The following CCSER1 variants were observed in gnomAD, a reference collection of about 807,000 sequenced individuals.
CCSER1 encodes the protein coiled-coil serine rich protein 1.
CCSER1 carries 41 observed loss-of-function variants against 82.0 expected under a neutral mutation model. The ratio of observed to expected loss-of-function variants is 0.50; its 90% CI spans 0.39 to 0.65. The LOEUF is 0.65. Among genes scored for constraint, CCSER1 ranks in the 30% least tolerant of loss-of-function variants. CCSER1 has a pLI of 0.00. For synonymous variants in CCSER1, 414 were observed against 383.9 expected, an observed-to-expected ratio of 1.08 and a Z score of -0.92; for missense variants, 1,119 against 1,064.2, an observed-to-expected ratio of 1.05 and a Z score of -0.72.
intron 1 of CCSER1, among the ~76,000 whole-genome samples, chr4:90,275,351 A>G (rs1354040648): frequency 2.0e-5 from 3 of 152,134 alleles, no homozygotes; most frequent in Non-Finnish European, 4.4e-5. Flanking sequence ...AGTTTCATAT[A>G]CATAAGGATT....
chr4:90,932,191 A>G (rs1169102301), intron 9 of CCSER1, among the ~76,000 whole-genome samples: 1 of 152,168 alleles, frequency 6.6e-6, no homozygotes, highest in African/African-American at 2.4e-5. Flanking sequence ...AAGTTGATCT[A>G]TTATAGAGAA....
intron 7 of CCSER1, among the ~76,000 whole-genome samples, chr4:90,729,833 A>G (rs1744380879): frequency 6.6e-6 from 1 of 152,098 alleles, no homozygotes; most frequent in Non-Finnish European, 1.5e-5. Context: ...CGGAGATAGC[A>G]CCACTGCACT....
chr4:90,230,009 C>A (rs1254734522), intron 1 of CCSER1, among the ~76,000 whole-genome samples: 3 of 152,260 alleles, frequency 2.0e-5, no homozygotes, highest in Middle Eastern at 3.4e-3. Flanking sequence ...TAGACTCCCA[C>A]ACAATAATAA....
chr4:91,081,011 T>C (rs1722655656), intron 9 of CCSER1, among the ~76,000 whole-genome samples: 1 of 152,252 alleles, frequency 6.6e-6, no homozygotes, highest in South Asian at 2.1e-4. Context: ...CCTTCTGAAA[T>C]TATTCCAATC....
chr4:90,756,170 G>A (rs1202272338), intron 7 of CCSER1, among the ~76,000 whole-genome samples: 1 of 152,192 alleles, frequency 6.6e-6, no homozygotes, highest in East Asian at 1.9e-4. Context: ...AGAGATTGCA[G>A]TGAGCTGAGA....
intron 1 of CCSER1, among the ~76,000 whole-genome samples, chr4:90,156,632 C>T (rs1399796032): frequency 2.0e-5 from 3 of 152,058 alleles, no homozygotes. Context: ...ATGTAATGGC[C>T]TTCTTTATCT....
intron 10 of CCSER1, among the ~76,000 whole-genome samples, chr4:91,188,007 C>T (rs1734708249): frequency 6.6e-6 from 1 of 151,762 alleles, no homozygotes; most frequent in African/African-American, 2.4e-5. Context: ...GCAGAATTAT[C>T]TTAGTATATT....
In CCSER1 at chr4:90,628,004, T is replaced by G. The variant is rs770705955; in HGVS notation, c.1725-21T>G. 7 of 1,534,026 alleles carry G rather than the reference T, an allele frequency of 4.6e-6. No individual in the cohort carries two copies. The East Asian group carries it at 1.6e-4, about 36-fold the overall frequency. On this transcript the variant is annotated intron_variant, in intron 5 of 10. Transcript: ENST00000509176. ...AAGCATGCTGCACTGTAATTTTTGT[T>G]CTTTTTTTTTTTCTTGTTAGGAATC... is the stretch of plus-strand genomic sequence containing the variant.
intron 10 of CCSER1, among the ~76,000 whole-genome samples, chr4:91,267,333 A>G (rs1741677228): frequency 6.6e-6 from 1 of 152,156 alleles, no homozygotes; most frequent in African/African-American, 2.4e-5. Context: ...TCTGAAAAGT[A>G]TATCATAATC....
chr4:91,060,140 A>G (rs1743833127), intron 9 of CCSER1, among the ~76,000 whole-genome samples: 1 of 152,046 alleles, frequency 6.6e-6, no homozygotes, highest in South Asian at 2.1e-4. Flanking sequence ...TTTATTCAGT[A>G]TCTTTAAAAT....
intron 3 of CCSER1, among the ~76,000 whole-genome samples, chr4:90,373,077 A>G (rs1009904014): frequency 6.6e-6 from 1 of 151,994 alleles, no homozygotes; most frequent in Non-Finnish European, 1.5e-5. Context: ...GAGTTGACTG[A>G]TTTTTAGGTA....
chr4:91,475,617 G>A (rs954751910), intron 10 of CCSER1, among the ~76,000 whole-genome samples: 1 of 151,782 alleles, frequency 6.6e-6, no homozygotes, highest in East Asian at 1.9e-4. Context: ...GATTAATAGA[G>A]GAGTCTACTA....
At chr4:90,338,133 T>G (rs374811359) in intron 3 of CCSER1, among the ~76,000 whole-genome samples, 2 of 152,200 alleles carry the variant, frequency 1.3e-5, no homozygotes, top group African/African-American at 4.8e-5. Context: ...CATTCACTGC[T>G]AGTTTTGGGA....
chr4:90,934,270 G>A (rs1273722634), intron 9 of CCSER1, among the ~76,000 whole-genome samples: 2 of 151,952 alleles, frequency 1.3e-5, no homozygotes, highest in Non-Finnish European at 2.9e-5. Context: ...TAATTGTGAC[G>A]TTATTTGTGT....
intron 4 of CCSER1, among the ~76,000 whole-genome samples, chr4:90,421,871 T>C (rs539615811): frequency 6.2e-4 from 94 of 152,196 alleles, no homozygotes; most frequent in African/African-American, 2.2e-3. Flanking sequence ...GTGTAAAATG[T>C]TTTGGAATTG....
intron 10 of CCSER1, among the ~76,000 whole-genome samples, chr4:91,519,370 A>G (rs75126161): frequency 0.02 from 3,108 of 152,296 alleles, 54 homozygotes; most frequent in Non-Finnish European, 0.03. Flanking sequence ...CAGAGCTGCT[A>G]CTGTCCTGAG....
chr4:90,141,590 A>T (rs936765707), intron 1 of CCSER1, among the ~76,000 whole-genome samples: 2 of 152,212 alleles, frequency 1.3e-5, no homozygotes, highest in Non-Finnish European at 2.9e-5. Context: ...CAATTGAATA[A>T]TTTTTAAAAA....
rs187616428 is a variant in CCSER1, at chr4:91,396,012, G to A, written c.2218-202560G>A. ...CCATGATGCCTGCCCCTGCTTCTTCGTGCTCCCCATATCCGTGTATTCATT... is the reference window on the plus strand; with the variant it reads ...CCATGATGCCTGCCCCTGCTTCTTCATGCTCCCCATATCCGTGTATTCATT... On this transcript the variant is annotated intron_variant, in intron 10 of 10. Coordinates refer to ENST00000509176, the MANE Select transcript of CCSER1 (RefSeq NM_001145065.2). Among the ~76,000 whole-genome samples, 30 of 152,062 alleles carry A rather than the reference G, an allele frequency of 2.0e-4. No individual in the cohort carries two copies. The East Asian group carries it at 3.1e-3, about 16-fold the overall frequency.
chr4:91,274,289 A>G (rs1175848066), intron 10 of CCSER1, among the ~76,000 whole-genome samples: 1 of 152,144 alleles, frequency 6.6e-6, no homozygotes, highest in Non-Finnish European at 1.5e-5. Context: ...AGTGTTTAAG[A>G]TATCCTTGCC....
Sources: allele counts gnomAD v4.1 joint callset (sites outside exome capture counted in the v4.1 genomes callset), GRCh38; gene constraint gnomAD v4.1.1; transcripts MANE v1.5; gene names NCBI Gene and HGNC (gene_info 2026-07-23, HGNC 2026-07-21).